The following CBX1 variants were observed in gnomAD, a reference collection of about 807,000 sequenced individuals.
The protein encoded by CBX1 is chromobox 1.
In CBX1, 10 loss-of-function variants were observed where a neutral mutation model predicts 25.1. That is an observed-to-expected ratio of 0.40 (90% CI 0.25 to 0.68). The LOEUF (loss-of-function observed/expected upper bound fraction) is 0.68, where lower values mean the gene tolerates loss of function less well. Among genes scored for constraint, CBX1 ranks in the 30% least tolerant of loss-of-function variants. The probability of loss-of-function intolerance (pLI) is 0.40; values close to 1 mark genes in which losing one functional copy is unlikely to be tolerated. For missense variants in CBX1, 106 were observed against 218.5 expected (o/e 0.49, Z 3.25); for synonymous variants, 63 against 79.4 (o/e 0.79, Z 1.10).
chr17:48,084,921 CA>C (rs903886730), intron 1 of CBX1, among the ~76,000 whole-genome samples: 1 of 149,888 alleles, frequency 6.7e-6, no homozygotes, highest in African/African-American at 2.5e-5. Flanking sequence ...CAAAAAAAAA[CA>C]AAAAAAAACC....
rs772177782 is a variant in CBX1 at position 48,071,419 on chromosome 17, CTGG to C, written c.*13_*15del. ...AACCCACAGTCAGATGTGACAGGGG[CTGG>C]TACTCAGGAGCGTTAGTTCTTGTCA... is the stretch of plus-strand genomic sequence containing the variant. On this transcript the variant is annotated 3_prime_UTR_variant, in exon 5 of 5. Coordinates refer to ENST00000225603, the MANE Select transcript of CBX1 (RefSeq NM_001127228.2). 2 of 1,597,236 alleles carry C rather than the reference CTGG, an allele frequency of 1.3e-6. No individual in the cohort carries two copies. The highest frequency in any genetic ancestry group is 1.7e-6 in the Non-Finnish European group (2 of 1,172,698).
intron 1 of CBX1, among the ~76,000 whole-genome samples, chr17:48,077,420 G>T (rs1249178274): frequency 7.0e-6 from 1 of 142,666 alleles, no homozygotes; most frequent in Non-Finnish European, 1.5e-5. Context: ...ACCAAGCCCA[G>T]CTAATTTTTG....
intron 3 of CBX1, among the ~76,000 whole-genome samples, chr17:48,075,588 A>T (rs2037667841): frequency 6.6e-6 from 1 of 152,220 alleles, no homozygotes; most frequent in South Asian, 2.1e-4. Context: ...CAATGTCTGA[A>T]GCGCATGAGA....
chr17:48,092,465 TCTC>T lies in CBX1; in HGVS notation c.-38+8800_-38+8802del, dbSNP rs368910762. 2.6e-3 allele frequency among the ~76,000 whole-genome samples: 264 copies of T among 101,956 alleles called. 2 individuals are homozygous for T. Among genetic ancestry groups the T allele is most frequent in the African/African-American group, 4.8e-3 (144 of 30,252 alleles). The allele number at this position is 101,956 out of a possible 152,430, so 66.9% of individuals were successfully genotyped here. On this transcript the variant is annotated intron_variant, in intron 1 of 4. Coordinates refer to ENST00000225603, the MANE Select transcript of CBX1 (RefSeq NM_001127228.2). Reference sequence around the variant, plus strand: ...CAGCAAGACTCCATCTCTCTCTCTCTCTCTTTTTTTTTTTGAGAGGGAGTCTTG... The same window carrying T: ...CAGCAAGACTCCATCTCTCTCTCTCTTTTTTTTTTTTGAGAGGGAGTCTTG...
chr17:48,080,945 A>ATATATGT (rs2037727397), intron 1 of CBX1, among the ~76,000 whole-genome samples: 1 of 42,070 alleles, frequency 2.4e-5, no homozygotes, highest in Non-Finnish European at 4.1e-5. Context: ...AAAAAAAAAA[A>ATATATGT]AAAAAAATAT....
intron 1 of CBX1, among the ~76,000 whole-genome samples, chr17:48,077,442 TTTGTTTTTTTTG>T (rs1278138008): frequency 5.4e-4 from 23 of 42,250 alleles, no homozygotes; most frequent in African/African-American, 1.2e-3. Context: ...TGTTTTTTTT[TTTGTTTTTTTTG>T]TTTTTTTTTT....
intron 4 of CBX1, among the ~76,000 whole-genome samples, chr17:48,074,118 C>T (rs775480088): frequency 5.9e-5 from 9 of 152,154 alleles, no homozygotes; most frequent in Non-Finnish European, 1.2e-4. Context: ...TTCAGTGGTG[C>T]TAAAGTTAGG....
chr17:48,080,951 A>AAAATATATATAT (rs1567765514), intron 1 of CBX1, among the ~76,000 whole-genome samples: 1 of 33,274 alleles, frequency 3.0e-5, no homozygotes, highest in Non-Finnish European at 5.3e-5. Context: ...AAAAAAAAAA[A>AAAATATATATAT]ATATATATAT....
chr17:48,094,072 C>T (rs781133757), intron 1 of CBX1, among the ~76,000 whole-genome samples: 3 of 142,570 alleles, frequency 2.1e-5, no homozygotes, highest in Non-Finnish European at 4.5e-5. Flanking sequence ...CAAGATCGTG[C>T]CACTGCACTC....
Position 48,101,279 on chromosome 17 carries a change from G to A in CBX1, c.-49C>T, listed in dbSNP as rs1317080726. 1.0e-6 allele frequency: 1 copy of A among 986,558 alleles called. No individual in the cohort carries two copies. The highest frequency in any genetic ancestry group is 1.2e-6 in the Non-Finnish European group (1 of 830,140). 61.1% of individuals were successfully genotyped at this position (986,558 alleles called of 1,614,324 possible). On this transcript the variant is annotated 5_prime_UTR_variant, in exon 1 of 5. Coordinates refer to ENST00000225603, the MANE Select transcript of CBX1 (RefSeq NM_001127228.2). Reference sequence around the variant, plus strand: ...AGCGGGCTCCTCACCTCAGAGCAGCGCCCAAGAGCCCGAGAGGAATCGGTG... The same window carrying A: ...AGCGGGCTCCTCACCTCAGAGCAGCACCCAAGAGCCCGAGAGGAATCGGTG...
At chr17:48,094,499 G>A (rs1256375801) in intron 1 of CBX1, among the ~76,000 whole-genome samples, 1 of 151,536 alleles carries the variant, frequency 6.6e-6, no homozygotes, top group Non-Finnish European at 1.5e-5. Context: ...TTGGGAGGCC[G>A]AGGTGGGTGG....
Position 48,074,966 on chromosome 17 carries a change from A to C in CBX1, c.413+40T>G, listed in dbSNP as rs774718299. 3.6e-6 allele frequency: 5 copies of C among 1,385,552 alleles called. No homozygotes were observed. In the East Asian group the frequency reaches 1.1e-4, roughly 32 times the overall value. 85.8% of individuals were successfully genotyped at this position (1,385,552 alleles called of 1,614,324 possible). On this transcript the variant is annotated intron_variant, in intron 4 of 4. Coordinates refer to ENST00000225603, the MANE Select transcript of CBX1 (RefSeq NM_001127228.2). ...TCCTCTGGCATGAAACCAATGGGAG[A>C]AGAAAAAAAACAACCACACAGAGCC...
At chr17:48,071,687 G>T in intron 4 of CBX1, 108 bp from the exon 5 acceptor site, 1 of 906,624 alleles carries the variant, frequency 1.1e-6, no homozygotes. Flanking sequence ...AGAAAAATAG[G>T]CTAGGGAACA....
intron 1 of CBX1, among the ~76,000 whole-genome samples, chr17:48,082,241 A>G (rs548778441): frequency 6.6e-6 from 1 of 151,894 alleles, no homozygotes; most frequent in South Asian, 2.1e-4. Context: ...GGTGGCTCAC[A>G]CCTGTAATCC....
At chr17:48,096,219 A>G (rs908574430) in intron 1 of CBX1, 17 of 316,950 alleles carry the variant, frequency 5.4e-5, no homozygotes, top group Non-Finnish European at 7.3e-5. Flanking sequence ...CTTGAATTCC[A>G]GAGGATCAAA....
chr17:48,079,694 T>C (rs921424391), intron 1 of CBX1, among the ~76,000 whole-genome samples: 1 of 151,936 alleles, frequency 6.6e-6, no homozygotes, highest in Non-Finnish European at 1.5e-5. Flanking sequence ...AAGTTCTCAA[T>C]ATGTTGCCCA....
In CBX1 at chr17:48,070,274, TTGTGTGTGTA is replaced by T. The variant is rs1403575214; in HGVS notation, c.*1151_*1160del. ...TATTAGGATTTCTTAAAAAATTGTT[TTGTGTGTGTA>T]TGTGTGTGTTTTAAAGTGAACCACT... On this transcript the variant is annotated 3_prime_UTR_variant, in exon 5 of 5. Coordinates refer to ENST00000225603, the MANE Select transcript of CBX1 (RefSeq NM_001127228.2). The T allele has an allele frequency of 2.0e-5, 3 of 152,632 alleles. No individual in the cohort carries two copies. The highest frequency in any genetic ancestry group is 7.2e-5 in the African/African-American group (3 of 41,446). 9.5% of individuals were successfully genotyped at this position (152,632 alleles called of 1,614,324 possible).
chr17:48,101,382 G>A lies in CBX1; in HGVS notation c.-152C>T, dbSNP rs2063409193. ...GGCAGCAAGCCGGGTGGCCGCAGTG[G>A]CGTCCCTCACTGAAGCGGCGTACCG... On this transcript the variant is annotated 5_prime_UTR_variant, in exon 1 of 5. Transcript: ENST00000225603. 2.0e-6 allele frequency: 2 copies of A among 985,768 alleles called. No individual in the cohort carries two copies. Among genetic ancestry groups the A allele is most frequent in the Middle Eastern group, 5.2e-4 (1 of 1,914 alleles). The allele number at this position is 985,768 out of a possible 1,614,324, so 61.1% of individuals were successfully genotyped here.
chr17:48,091,217 C>G (rs7216766), intron 1 of CBX1, among the ~76,000 whole-genome samples: 127,577 of 152,186 alleles, frequency 0.84, 53,534 homozygotes, highest in East Asian at 0.95. Flanking sequence ...ATGGGAGGCA[C>G]GGAGAAGATG....
Sources: gnomAD v4.1 joint callset for allele counts (sites outside exome capture counted in the v4.1 genomes callset) on GRCh38, gnomAD v4.1.1 for gene constraint, MANE v1.5 for transcripts, NCBI Gene and HGNC (gene_info 2026-07-23, HGNC 2026-07-21) for gene names.